The following CLIC5 variants were observed in gnomAD, a reference collection of about 807,000 sequenced individuals.
The protein encoded by CLIC5 is chloride intracellular channel protein 5.
A neutral mutation model predicts 24.7 loss-of-function variants in CLIC5; 20 were observed. That is an observed-to-expected ratio of 0.81 (90% CI 0.57 to 1.18). CLIC5 has a LOEUF of 1.18. CLIC5 is among the 50% of genes most tolerant of loss of function. The pLI, the probability that CLIC5 is intolerant of heterozygous loss-of-function variation, is 0.00. For synonymous variants in CLIC5, 159 were observed against 135.6 expected (o/e 1.17, Z -1.20); for missense variants, 341 against 326.1 (o/e 1.05, Z -0.35).
At chr6:45,933,658 G>A (rs1763828002) in intron 4 of CLIC5, among the ~76,000 whole-genome samples, 2 of 152,220 alleles carry the variant, frequency 1.3e-5, no homozygotes, top group African/African-American at 2.4e-5. Context: ...GCGAGTGAAA[G>A]GGGTACATCT....
At chr6:46,088,372 T>A in the CLIC5 span, among the ~76,000 whole-genome samples, 1 of 152,190 alleles carries the variant, frequency 6.6e-6, no homozygotes. Flanking sequence ...TTCAGTTTTA[T>A]AGTACTCCAC....
At chr6:46,113,141 T>C in the CLIC5 span, among the ~76,000 whole-genome samples, 1 of 152,108 alleles carries the variant, frequency 6.6e-6, no homozygotes, top group Non-Finnish European at 1.5e-5. Flanking sequence ...AACTGAGGTC[T>C]GGGAAATACG....
intron 1 of CLIC5, among the ~76,000 whole-genome samples, chr6:46,003,371 T>A (rs908808736): frequency 4.6e-5 from 7 of 152,186 alleles, no homozygotes; most frequent in African/African-American, 1.7e-4. Context: ...TTCCCAACAT[T>A]TTCCTCTTCA....
At chr6:46,034,708 C>T (rs1045878531) in intron 1 of CLIC5, among the ~76,000 whole-genome samples, 20 of 152,332 alleles carry the variant, frequency 1.3e-4, no homozygotes, top group Middle Eastern at 3.4e-3. Context: ...TGGACAGTTC[C>T]GTGTAAGCTT....
Position 45,903,146 on chromosome 6 carries a change from G to A in CLIC5, c.698C>T (p.Ala233Val), listed in dbSNP as rs745741071. The A allele has an allele frequency of 6.2e-7, 1 of 1,614,206 alleles. No individual in the cohort carries two copies. Among genetic ancestry groups the A allele is most frequent in the South Asian group, 1.1e-5 (1 of 91,082 alleles). Residue 233 changes from alanine to valine, a missense_variant, in exon 6 of 6, where the codon GCT becomes GTT. Coordinates refer to ENST00000339561, the MANE Select transcript of CLIC5 (RefSeq NM_016929.5). ...GTAGGCCAACTCGATCTCACTGTCA[G>A]CTGCACAGGTGTTGGTGAACTCATC... ...ARDEFTNTCA[A>V]DSEIELAYAD...
chr6:46,128,569 G>A, the CLIC5 span, among the ~76,000 whole-genome samples: 8 of 152,202 alleles, frequency 5.3e-5, no homozygotes, highest in Non-Finnish European at 1.2e-4. Context: ...ATACTGTGCT[G>A]AATACTCTAC....
chr6:46,016,868 G>A (rs1168332983), upstream of CLIC5, among the ~76,000 whole-genome samples: 1 of 152,172 alleles, frequency 6.6e-6, no homozygotes, highest in Non-Finnish European at 1.5e-5. Flanking sequence ...TACTATGTTT[G>A]TGAGATTCAT....
chr6:45,891,072 T>A (rs1164829499), intron 6 of CLIC5, among the ~76,000 whole-genome samples: 1 of 152,204 alleles, frequency 6.6e-6, no homozygotes, highest in Non-Finnish European at 1.5e-5. Flanking sequence ...AAGAGGATTT[T>A]AAGCATTTTC....
At position 45,955,192 on chromosome 6, in the gene CLIC5, A is replaced by T; in HGVS notation, c.116T>A (p.Phe39Tyr). 2 of 1,614,092 alleles carry T rather than the reference A, an allele frequency of 1.2e-6. No homozygotes were observed. The highest frequency in any genetic ancestry group is 1.7e-6 in the Non-Finnish European group (2 of 1,179,946). ...GACTCCTTTCAGCCAGAGGATCATG[A>T]AGAGGCGCTGAGAGAAAGGACAGTT... ...IGNCPFSQRLFMILWLKGVVF... is the reference protein window; with the variant it reads ...IGNCPFSQRLYMILWLKGVVF... Residue 39 changes from phenylalanine (F) to tyrosine (Y), a missense_variant, in exon 2 of 6, where the codon TTC (phenylalanine) becomes TAC (tyrosine). Coordinates refer to ENST00000339561, the MANE Select transcript of CLIC5 (RefSeq NM_016929.5).
chr6:46,125,707 T>C, the CLIC5 span, among the ~76,000 whole-genome samples: 3 of 152,170 alleles, frequency 2.0e-5, no homozygotes, highest in Admixed American at 6.5e-5. Flanking sequence ...CTCAATGTCA[T>C]CACGTGTTGG....
At chr6:46,048,041 C>A (rs1353978029) in intron 1 of CLIC5, among the ~76,000 whole-genome samples, 1 of 146,154 alleles carries the variant, frequency 6.8e-6, no homozygotes, top group African/African-American at 2.5e-5. Flanking sequence ...CTCACTCTGT[C>A]CCCTAGGCTG....
intron 1 of CLIC5, among the ~76,000 whole-genome samples, chr6:46,071,139 G>C (rs1169848722): frequency 6.6e-6 from 1 of 152,104 alleles, no homozygotes; most frequent in African/African-American, 2.4e-5. Flanking sequence ...GACAACCTAA[G>C]CAATACCATT....
chr6:46,079,960 G>A, exon 1 of CLIC5: 1 of 1,551,718 alleles, frequency 6.4e-7, no homozygotes, highest in Non-Finnish European at 8.7e-7. Context: ...TCACCTGGAT[G>A]AGCCTCCTGG....
At chr6:46,041,276 A>T (rs1767800093) in intron 1 of CLIC5, among the ~76,000 whole-genome samples, 1 of 152,228 alleles carries the variant, frequency 6.6e-6, no homozygotes, top group East Asian at 1.9e-4. Context: ...TATATTTCCA[A>T]AATAAGTTTA....
intron 1 of CLIC5, among the ~76,000 whole-genome samples, chr6:45,998,497 C>T (rs4711840): frequency 0.6 from 90,530 of 152,050 alleles, 27,328 homozygotes; most frequent in East Asian, 0.77. Context: ...GACTCGAGTC[C>T]GCAACCACAA....
At chr6:46,093,200 T>C in the CLIC5 span, among the ~76,000 whole-genome samples, 1 of 152,208 alleles carries the variant, frequency 6.6e-6, no homozygotes, top group Non-Finnish European at 1.5e-5. Flanking sequence ...ACATTATATT[T>C]ATTATAATAA....
chr6:46,080,532 G>T (rs1168109234), upstream of CLIC5, among the ~76,000 whole-genome samples: 1 of 152,176 alleles, frequency 6.6e-6, no homozygotes, highest in East Asian at 1.9e-4. Context: ...GTAACTCCAA[G>T]ATTCTTTGGG....
At chr6:45,929,786 C>T (rs1763656359) in intron 4 of CLIC5, among the ~76,000 whole-genome samples, 1 of 152,232 alleles carries the variant, frequency 6.6e-6, no homozygotes, top group South Asian at 2.1e-4. Flanking sequence ...ACAGAGTAGA[C>T]ATGGAGCCCC....
At chr6:45,888,711 A>T (rs1485291368) in intron 6 of CLIC5, among the ~76,000 whole-genome samples, 2 of 152,256 alleles carry the variant, frequency 1.3e-5, no homozygotes, top group African/African-American at 2.4e-5. Flanking sequence ...GTAAAAAGGT[A>T]TACAGAGAAC....
Sources: allele counts gnomAD v4.1 joint callset (sites outside exome capture counted in the v4.1 genomes callset), GRCh38; gene constraint gnomAD v4.1.1; transcripts MANE v1.5; gene names NCBI Gene and HGNC (gene_info 2026-07-23, HGNC 2026-07-21).